COL5A3: variants seen among roughly 807,000 people sequenced by gnomAD.
The protein encoded by COL5A3 is collagen type V alpha 3 chain, also known as collagen alpha-3(V) chain.
In COL5A3, 172 loss-of-function variants were observed where a neutral mutation model predicts 250.0. The observed-to-expected ratio is 0.69, with a 90% confidence interval of 0.61 to 0.78. The LOEUF is 0.78. COL5A3 is among the 30% of genes least tolerant of loss of function. COL5A3 has a pLI of 0.00. For synonymous variants in COL5A3, 937 were observed against 900.4 expected (o/e 1.04, Z -0.73); for missense variants, 2,340 against 2,334.4 (o/e 1.00, Z -0.05).
chr19:10,008,260 C>T (rs190639811), intron 1 of COL5A3, among the ~76,000 whole-genome samples: 2 of 152,310 alleles, frequency 1.3e-5, no homozygotes, highest in Non-Finnish European at 2.9e-5. Context: ...AGGGTCTTCC[C>T]TCAACTACCA....
rs1415875170 is a variant in COL5A3, at chr19:9,960,243, GCC to G, written c.*166_*167del. ...TGGACCCTTGGGCCAGGGAACCCCA[GCC>G]CCCAGCACCCTGGAAAGGAGAAGGA... is the stretch of plus-strand genomic sequence containing the variant. On this transcript the variant is annotated 3_prime_UTR_variant, in exon 67 of 67. Transcript: ENST00000264828. 3.6e-6 allele frequency: 3 copies of G among 834,414 alleles called. No homozygotes were observed. Among genetic ancestry groups the G allele is most frequent in the Non-Finnish European group, 5.5e-6 (3 of 546,390 alleles). The allele number at this position is 834,414 out of a possible 1,614,324, so 51.7% of individuals were successfully genotyped here.
At chr19:9,996,157 T>G (rs1300594487) in intron 14 of COL5A3, 38 bp from the exon 15 acceptor site, 2 of 1,551,140 alleles carry the variant, frequency 1.3e-6, no homozygotes, top group South Asian at 1.2e-5. Context: ...GGGTAGATGA[T>G]TCTTCACTAA....
At chr19:9,966,810 G>T in intron 62 of COL5A3, 64 bp from the exon 63 acceptor site, 1 of 1,304,050 alleles carries the variant, frequency 7.7e-7, no homozygotes, top group Non-Finnish European at 1.1e-6. Context: ...GAGGGAGAAA[G>T]AGAGACAGGC....
chr19:10,003,803 C>A (rs2145142965), intron 5 of COL5A3, 89 bp from the exon 6 acceptor site: 7 of 1,535,712 alleles, frequency 4.6e-6, no homozygotes, highest in Non-Finnish European at 5.3e-6. Flanking sequence ...GGCTCATGGC[C>A]CGTGGGTCCT....
intron 23 of COL5A3, 24 bp downstream of exon 23, chr19:9,991,764 A>G (rs370250283): frequency 1.3e-6 from 2 of 1,598,314 alleles, no homozygotes; most frequent in South Asian, 2.3e-5. Flanking sequence ...CCCATGCCCC[A>G]TTATTGGGAA....
chr19:9,993,875 C>A (rs2087233162), intron 16 of COL5A3, 69 bp from the exon 17 acceptor site: 3 of 1,372,338 alleles, frequency 2.2e-6, no homozygotes, highest in Non-Finnish European at 3.1e-6. Context: ...ATTAGGAACC[C>A]AACTTCATCA....
rs2086786118 is a variant in COL5A3 at position 9,968,485 on chromosome 19, A to G, written c.4214T>C (p.Ile1405Thr). The stretch of plus-strand genomic sequence containing the variant: ...GGGGCCAATGAGACCGATCAATCCA[A>G]TGTGGCCCTGAAGGACAAAAGAGGC... ...DTGPKGEKGH[I>T]GLIGLIGPPG... Residue 1405 changes from isoleucine (I) to threonine (T), a missense_variant, in exon 59 of 67, where the codon ATT becomes ACT. By Grantham distance (89) the Ile-to-Thr change is moderately conservative. Transcript: ENST00000264828. This position sits in a 1 kb window ranked among gnomAD's most constrained non-coding sequence, Gnocchi z 4.1. 6.3e-7 allele frequency: 1 copy of G among 1,585,628 alleles called. No homozygotes were observed. The highest frequency in any genetic ancestry group is 2.0e-5 in the Admixed American group (1 of 49,964).
At chr19:9,995,202 G>A (rs1017582849) in intron 16 of COL5A3, among the ~76,000 whole-genome samples, 16 of 152,102 alleles carry the variant, frequency 1.1e-4, no homozygotes, top group African/African-American at 3.4e-4. Context: ...GCCACTGCGC[G>A]CAGCCAATCA....
chr19:9,968,064 T>C lies in COL5A3; in HGVS notation c.4330A>G (p.Ile1444Val), dbSNP rs775077814. ...GGCCCAGGGTGGCCCAGAGAGCCAA[T>C]GGGACCAGGGGGACCCTAGGAAAAG... The part of the protein sequence containing the change: ...PKGDPGPPGP[I>V]GSLGHPGPPG... Residue 1444 changes from isoleucine (I) to valine (V), a missense_variant, in exon 60 of 67, where the codon ATT (isoleucine) becomes GTT (valine). By Grantham distance (29) the Ile-to-Val change is conservative. Transcript: ENST00000264828. The surrounding 1 kb of genome is among the most constrained non-coding windows in gnomAD (Gnocchi z 4.1). 7.5e-6 allele frequency: 12 copies of C among 1,590,390 alleles called. No homozygotes were observed. In the East Asian group the frequency reaches 1.3e-4, roughly 18 times the overall value.
At chr19:10,007,791 C>G (rs1166647208) in intron 1 of COL5A3, among the ~76,000 whole-genome samples, 1 of 152,124 alleles carries the variant, frequency 6.6e-6, no homozygotes, top group Non-Finnish European at 1.5e-5. Flanking sequence ...CCAGACTCCT[C>G]GGAGGCCTGT....
At chr19:9,996,733 G>T (rs2087279325) in intron 11 of COL5A3, 44 bp from the exon 12 acceptor site, 1 of 1,501,202 alleles carries the variant, frequency 6.7e-7, no homozygotes, top group East Asian at 2.3e-5. Context: ...AGGGAGAGAG[G>T]GAGAGAGAGA....
intron 22 of COL5A3, 34 bp from the exon 23 acceptor site, chr19:9,991,875 AG>A (rs769284318): frequency 1.2e-5 from 20 of 1,602,664 alleles, no homozygotes; most frequent in Non-Finnish European, 1.5e-5. Context: ...TGAAGCTAAG[AG>A]GGGTCATGGT....
chr19:9,989,236 C>T lies in COL5A3; in HGVS notation c.2092-59G>A, dbSNP rs2087152456. The T allele has an allele frequency of 2.5e-6, 4 of 1,608,172 alleles. No homozygotes were observed. In the Admixed American group the frequency reaches 5.0e-5, roughly 20 times the overall value. ...CAGTCCCTTCCACATTCTAAGAGCC[C>T]TCATCTCTCTCCTCTGTGGCCCCTG... On this transcript the variant is annotated intron_variant, in intron 26 of 66. Transcript: ENST00000264828.
At chr19:9,982,243 C>T in intron 31 of COL5A3, 125 bp from the exon 32 acceptor site, 1 of 624,136 alleles carries the variant, frequency 1.6e-6, no homozygotes, top group South Asian at 2.0e-5. Flanking sequence ...TTGGTCTCTA[C>T]AGCCCCAGCC....
At position 9,968,130 on chromosome 19, in the gene COL5A3, G is replaced by T; in HGVS notation, c.4315-51C>A. Reference sequence around the variant, plus strand: ...TTGGTGGGGTACACCCTATTGCCCTGACACATCCCCCAGACAAGCCTTCAA... The same window carrying T: ...TTGGTGGGGTACACCCTATTGCCCTTACACATCCCCCAGACAAGCCTTCAA... On this transcript the variant is annotated intron_variant, in intron 59 of 66. Coordinates refer to ENST00000264828, the MANE Select transcript of COL5A3 (RefSeq NM_015719.4). The surrounding 1 kb of genome is among the most constrained non-coding windows in gnomAD (Gnocchi z 4.1). The T allele has an allele frequency of 6.7e-7, 1 of 1,501,584 alleles. No homozygotes were observed. Among genetic ancestry groups the T allele is most frequent in the African/African-American group, 1.4e-5 (1 of 70,644 alleles). 93.0% of individuals were successfully genotyped at this position (1,501,584 alleles called of 1,614,324 possible). A position where few individuals can be genotyped will look rare whatever the true frequency, so the allele number is the denominator to read the frequency against.
chr19:9,968,806 A>C lies in COL5A3; in HGVS notation c.4153-78T>G. 1 of 1,257,778 alleles carries C rather than the reference A, an allele frequency of 8.0e-7. No individual in the cohort carries two copies. The highest frequency in any genetic ancestry group is 1.1e-6 in the Non-Finnish European group (1 of 883,620). 77.9% of individuals were successfully genotyped at this position (1,257,778 alleles called of 1,614,324 possible). On this transcript the variant is annotated intron_variant, in intron 57 of 66. Coordinates refer to ENST00000264828, the MANE Select transcript of COL5A3 (RefSeq NM_015719.4). The surrounding 1 kb of genome is among the most constrained non-coding windows in gnomAD (Gnocchi z 4.1). ...TGTGTGGGTGGTTAGGGGATGGTCA[A>C]ATGGGAAATTATGCAGATTTCAAAT...
intron 24 of COL5A3, among the ~76,000 whole-genome samples, chr19:9,990,631 C>T (rs113907185): frequency 0.019 from 2,890 of 151,680 alleles, 48 homozygotes; most frequent in Admixed American, 0.03. Flanking sequence ...GGCAAGATCT[C>T]GGCTCACTGC....
Position 9,966,761 on chromosome 19 carries a change from TG to T in COL5A3, c.4459-16del. Reference sequence around the variant, plus strand: ...GCAGGGGCACCCTGGGCGTAGGGGATGGGGACGGAGAAGAGAGGGGAGATGG... The same window carrying T: ...GCAGGGGCACCCTGGGCGTAGGGGATGGGACGGAGAAGAGAGGGGAGATGG... On this transcript the variant is annotated splice_polypyrimidine_tract_variant and intron_variant, in intron 62 of 66. Transcript: ENST00000264828. The T allele has an allele frequency of 6.6e-7, 1 of 1,516,698 alleles. No individual in the cohort carries two copies. The highest frequency in any genetic ancestry group is 8.8e-7 in the Non-Finnish European group (1 of 1,136,750). 94.0% of individuals were successfully genotyped at this position (1,516,698 alleles called of 1,614,324 possible).
In COL5A3 at chr19:9,977,683, C is replaced by T. The variant is rs565278340; in HGVS notation, c.3037G>A (p.Gly1013Ser). 11 of 1,600,260 alleles carry T rather than the reference C, an allele frequency of 6.9e-6. No individual in the cohort carries two copies. The highest frequency in any genetic ancestry group is 2.2e-5 in the South Asian group (2 of 89,498). ...ATGCCTCCTGCTGGGCCCAAAGGAC[C>T]GCGCTCACCAGGGGAGCCCTGAGAA... ...VGANGSPGER[G>S]PLGPAGGIGL... Residue 1013 changes from glycine (G) to serine (S), a missense_variant, in exon 42 of 67, where the codon GGT (glycine) becomes AGT (serine). Physicochemically the swap from Gly to Ser is moderately conservative, Grantham distance 56 (BLOSUM62 0). Transcript: ENST00000264828.
Sources: allele counts gnomAD v4.1 joint callset (sites outside exome capture counted in the v4.1 genomes callset), GRCh38; gene constraint gnomAD v4.1.1; non-coding constraint Gnocchi (gnomAD v3.1); transcripts MANE v1.5; gene names NCBI Gene and HGNC (gene_info 2026-07-23, HGNC 2026-07-21).